DDX60: variants seen among roughly 807,000 people sequenced by gnomAD.
DDX60 encodes probable ATP-dependent RNA helicase DDX60.
A neutral mutation model predicts 212.8 loss-of-function variants in DDX60; 165 were observed. The observed-to-expected ratio is 0.78, with a 90% CI of 0.68 to 0.88. DDX60 has a LOEUF of 0.88. Ranked by LOEUF, DDX60 falls within the 40% of genes least tolerant of loss-of-function variation. DDX60 has a pLI of 0.00. For synonymous variants in DDX60, 703 were observed against 685.3 expected, an observed-to-expected ratio of 1.03 and a Z score of -0.40; for missense variants, 1,905 against 2,003.9, an observed-to-expected ratio of 0.95 and a Z score of 0.94.
chr4:168,313,333 A>G (rs1178354597), intron 1 of DDX60, among the ~76,000 whole-genome samples: 1 of 152,224 alleles, frequency 6.6e-6, no homozygotes, highest in East Asian at 1.9e-4. Context: ...GTGAAACTAC[A>G]TGACAAGTTT....
chr4:168,271,925 G>A (rs1308125770), intron 19 of DDX60, 118 bp downstream of exon 19: 11 of 756,118 alleles, frequency 1.5e-5, no homozygotes, highest in African/African-American at 5.3e-5. Flanking sequence ...AAAAAAAAAC[G>A]GAGGCCTTCT....
rs544967460 is a variant in DDX60 at position 168,251,154 on chromosome 4, A to G, written c.3706-48T>C. ...GGATTATGATTTAATTTTAATTATA[A>G]TTAAAAATGTCTAAATGAAAATAAC... On this transcript the variant is annotated intron_variant, in intron 27 of 37. Transcript: ENST00000393743. 85 of 1,520,548 alleles carry G rather than the reference A, an allele frequency of 5.6e-5. 2 individuals carry two copies. The South Asian group carries it at 9.9e-4, about 18-fold the overall frequency. 94.2% of individuals were successfully genotyped at this position (1,520,548 alleles called of 1,614,324 possible). A position where few individuals can be genotyped will look rare whatever the true frequency, so the allele number is the denominator to read the frequency against.
chr4:168,286,778 A>G, intron 10 of DDX60, among the ~76,000 whole-genome samples: 1 of 152,172 alleles, frequency 6.6e-6, no homozygotes, highest in East Asian at 1.9e-4. Context: ...CTGTGGACCT[A>G]TAACTGCCAT....
intron 30 of DDX60, among the ~76,000 whole-genome samples, chr4:168,238,255 A>C (rs1244969763): frequency 6.6e-6 from 1 of 150,736 alleles, no homozygotes; most frequent in African/African-American, 2.4e-5. Flanking sequence ...AAAAAAAAAA[A>C]AAAACCCAGC....
chr4:168,267,175 G>C (rs552736479), intron 22 of DDX60, among the ~76,000 whole-genome samples: 1 of 152,238 alleles, frequency 6.6e-6, no homozygotes, highest in East Asian at 1.9e-4. Flanking sequence ...CTACATTAGT[G>C]AGAATGTCTT....
At position 168,272,093 on chromosome 4, in the gene DDX60, G is replaced by A; in HGVS notation, c.2620C>T (p.Pro874Ser). Residue 874 changes from proline to serine, a missense_variant, in exon 19 of 38, where the codon CCT becomes TCT. By Grantham distance (74) the Pro-to-Ser change is moderately conservative. Transcript: ENST00000393743. ...PACFEILLLA[P>S]HRQNWVKKIR... is the part of the protein sequence containing the mutation. Reference sequence around the variant, plus strand: ...TTTTTCACCCAGTTTTGGCGATGAGGAGCAAGCAGCAGAATTTCAAAGCAG... The same window carrying A: ...TTTTTCACCCAGTTTTGGCGATGAGAAGCAAGCAGCAGAATTTCAAAGCAG... The A allele has an allele frequency of 1.3e-6, 2 of 1,587,548 alleles. No individual in the cohort carries two copies. The highest frequency in any genetic ancestry group is 1.7e-6 in the Non-Finnish European group (2 of 1,164,174).
Position 168,221,806 on chromosome 4 carries a change from T to G in DDX60, c.4900A>C (p.Arg1634=). 6.2e-7 allele frequency: 1 copy of G among 1,613,388 alleles called. No homozygotes were observed. The highest frequency in any genetic ancestry group is 8.5e-7 in the Non-Finnish European group (1 of 1,179,560). ...GCATAGGCATTAAGCGACATTTTCC[T>G]TCCTCGGTTATCAAATTTCTGTGAC... The part of the protein sequence containing the change: ...LLSQKFDNRG[R]KMSLNAYALD... Residue 1634 remains arginine (R), a synonymous_variant, in exon 36 of 38, where the codon AGG becomes CGG. Transcript: ENST00000393743.
the DDX60 span, among the ~76,000 whole-genome samples, chr4:168,324,746 G>A: frequency 3.1e-3 from 476 of 152,262 alleles, 2 homozygotes; most frequent in African/African-American, 8.1e-3. Flanking sequence ...ATGGTCCATC[G>A]CCTTTTTAAA....
In DDX60 at chr4:168,221,724, A is replaced by T. The variant is rs1560807812; in HGVS notation, c.4976+6T>A. ...AGAGAAACAGAGACAGACAGAGAGG[A>T]CATACCTGTTATCCTGGACTAATCC... On this transcript the variant is annotated splice_donor_region_variant and intron_variant, in intron 36 of 37. Transcript: ENST00000393743. 1 of 1,603,018 alleles carries T rather than the reference A, an allele frequency of 6.2e-7. No homozygotes were observed. Among genetic ancestry groups the T allele is most frequent in the East Asian group, 2.2e-5 (1 of 44,586 alleles).
intron 25 of DDX60, among the ~76,000 whole-genome samples, chr4:168,256,192 A>C (rs945491415): frequency 6.6e-6 from 1 of 150,714 alleles, no homozygotes; most frequent in African/African-American, 2.4e-5. Context: ...AATATTCCAT[A>C]AGCAAGGAAC....
At position 168,250,992 on chromosome 4, in the gene DDX60, GT is replaced by G. The variant is rs1734200391; in HGVS notation, c.3819del (p.Lys1273AsnfsTer3). ...YHHSAMSFKE[K>X]QLVEILFRKG... ...TTTCTAAAGAGGATTTCAACTAATT[GT>G]TTTTCTTTGAAACTCATAGCACTGT... On this transcript the variant is annotated frameshift_variant, in exon 28 of 38. Coordinates refer to ENST00000393743, the MANE Select transcript of DDX60 (RefSeq NM_017631.6). LOFTEE classifies it high-confidence loss of function. 1.2e-6 allele frequency: 2 copies of G among 1,605,946 alleles called. No homozygotes were observed. The highest frequency in any genetic ancestry group is 1.7e-6 in the Non-Finnish European group (2 of 1,176,302).
chr4:168,272,222 T>A, intron 18 of DDX60, 84 bp from the exon 19 acceptor site: 1 of 1,096,306 alleles, frequency 9.1e-7, no homozygotes. Flanking sequence ...AAGATAGACT[T>A]ATGAGTCCTG....
At chr4:168,290,651 C>A (rs561691291) in intron 8 of DDX60, among the ~76,000 whole-genome samples, 1 of 151,972 alleles carries the variant, frequency 6.6e-6, no homozygotes, top group Non-Finnish European at 1.5e-5. Context: ...CCACCGCGGC[C>A]GGCCTGTCTT....
chr4:168,293,722 C>A, intron 7 of DDX60, 65 bp downstream of exon 7: 5 of 1,355,154 alleles, frequency 3.7e-6, no homozygotes, highest in South Asian at 1.5e-5. Context: ...ATGAAAGATA[C>A]AAATCAACAA....
chr4:168,314,226 A>G (rs1012862941), intron 1 of DDX60, among the ~76,000 whole-genome samples: 13 of 152,062 alleles, frequency 8.5e-5, no homozygotes, highest in Non-Finnish European at 1.8e-4. Flanking sequence ...CCTAACACCT[A>G]AACAGAATTC....
intron 6 of DDX60, among the ~76,000 whole-genome samples, chr4:168,297,382 G>GAAAGAAAGAA (rs1553971655): frequency 3.0e-4 from 12 of 39,918 alleles, no homozygotes; most frequent in African/African-American, 1.4e-3. Flanking sequence ...AAGAAAGAAA[G>GAAAGAAAGAA]AGAAAGAAAG....
chr4:168,258,868 GA>G (rs1734516768), intron 25 of DDX60, among the ~76,000 whole-genome samples: 1 of 151,994 alleles, frequency 6.6e-6, no homozygotes, highest in Non-Finnish European at 1.5e-5. Flanking sequence ...TTTCATACCC[GA>G]AGGACAGTAA....
intron 5 of DDX60, among the ~76,000 whole-genome samples, chr4:168,303,458 G>C (rs1463981482): frequency 6.6e-6 from 1 of 152,140 alleles, no homozygotes; most frequent in Non-Finnish European, 1.5e-5. Context: ...TTCCTGCTCA[G>C]AGTAGGCAAC....
chr4:168,226,059 T>C (rs72971449), intron 33 of DDX60, among the ~76,000 whole-genome samples: 1 of 152,072 alleles, frequency 6.6e-6, no homozygotes, highest in Non-Finnish European at 1.5e-5. Flanking sequence ...AATCTCGTTT[T>C]GTTTTGAGGG....
Sources: allele counts gnomAD v4.1 joint callset (sites outside exome capture counted in the v4.1 genomes callset), GRCh38; gene constraint gnomAD v4.1.1; transcripts MANE v1.5; gene names NCBI Gene and HGNC (gene_info 2026-07-23, HGNC 2026-07-21).